Variants in ROBO1 observed in about 807,000 individuals in gnomAD.
ROBO1 encodes the protein roundabout guidance receptor 1.
Under a neutral mutation model 195.9 loss-of-function variants are expected in ROBO1, and 149 were observed. The ratio of observed to expected loss-of-function variants is 0.76; its 90% CI spans 0.67 to 0.87. ROBO1 has a LOEUF of 0.87. Ranked by LOEUF, ROBO1 falls within the 40% of genes least tolerant of loss-of-function variation. The pLI is 0.00. For synonymous variants in ROBO1, 816 were observed against 733.2 expected, an observed-to-expected ratio of 1.11 and a Z score of -1.82; for missense variants, 1,933 against 2,068.3, an observed-to-expected ratio of 0.93 and a Z score of 1.27.
intron 2 of ROBO1, among the ~76,000 whole-genome samples, chr3:79,565,915 A>T (rs1943074451): frequency 6.6e-6 from 1 of 152,144 alleles, no homozygotes; most frequent in Non-Finnish European, 1.5e-5. Flanking sequence ...GTAATAAATT[A>T]AATGAAACCA....
chr3:79,455,456 T>G (rs1439179127), intron 2 of ROBO1, among the ~76,000 whole-genome samples: 1 of 152,138 alleles, frequency 6.6e-6, no homozygotes. Context: ...ATGCTAAAGG[T>G]AATTTTGGAT....
intron 21 of ROBO1, among the ~76,000 whole-genome samples, chr3:78,643,846 G>T (rs1706117918): frequency 6.6e-6 from 1 of 152,110 alleles, no homozygotes; most frequent in South Asian, 2.1e-4. Context: ...CATAGATTAG[G>T]CAAAGGAGAA....
At chr3:78,599,997 G>A (rs773361136) in intron 30 of ROBO1, 116 bp downstream of exon 30, 1 of 832,800 alleles carries the variant, frequency 1.2e-6, no homozygotes, top group Non-Finnish European at 2.1e-6. Context: ...ATAGACATTA[G>A]AGTACTGAAA....
chr3:78,932,650 A>G lies in ROBO1; in HGVS notation c.499+5951T>C, dbSNP rs2039593816. 2.0e-5 allele frequency among the ~76,000 whole-genome samples: 3 copies of G among 152,152 alleles called. No homozygotes were observed. In the South Asian group the frequency reaches 6.2e-4, roughly 31 times the overall value. On this transcript the variant is annotated intron_variant, in intron 4 of 30. Transcript: ENST00000464233. The stretch of plus-strand genomic sequence containing the variant: ...TTTTGGCCACCTAAGAAAAGAGTAA[A>G]TATTATTGAACAGTAAATAGCTTTC...
intron 3 of ROBO1, among the ~76,000 whole-genome samples, chr3:79,065,212 A>G (rs918645864): frequency 1.4e-4 from 21 of 151,978 alleles, no homozygotes; most frequent in Admixed American, 1.3e-3. Flanking sequence ...ATGCCTTAAG[A>G]GATATAGAAG....
At chr3:78,863,864 A>C (rs1243311899) in intron 4 of ROBO1, among the ~76,000 whole-genome samples, 1 of 152,184 alleles carries the variant, frequency 6.6e-6, no homozygotes, top group Middle Eastern at 3.2e-3. Context: ...CTAGATTGAC[A>C]TATGTCTCAT....
chr3:78,818,440 G>A (rs995732719), intron 4 of ROBO1, among the ~76,000 whole-genome samples: 9 of 152,186 alleles, frequency 5.9e-5, no homozygotes, highest in Admixed American at 3.3e-4. Context: ...TAGACCACAA[G>A]TGCCCATGAC....
chr3:79,535,741 C>T (rs1219434806), intron 2 of ROBO1, among the ~76,000 whole-genome samples: 1 of 151,262 alleles, frequency 6.6e-6, no homozygotes, highest in Non-Finnish European at 1.5e-5. Flanking sequence ...TGTTGACATG[C>T]TAGGATGTGA....
chr3:79,253,153 G>A (rs1264635731), intron 2 of ROBO1, among the ~76,000 whole-genome samples: 2 of 152,032 alleles, frequency 1.3e-5, no homozygotes, highest in Non-Finnish European at 2.9e-5. Flanking sequence ...TTAGCAGTGT[G>A]TAGACAAAAA....
chr3:79,531,869 A>G (rs1941676602), intron 2 of ROBO1, among the ~76,000 whole-genome samples: 1 of 152,212 alleles, frequency 6.6e-6, no homozygotes, highest in Non-Finnish European at 1.5e-5. Context: ...ATTTAAAAGC[A>G]TAAATCAAAA....
At chr3:79,493,186 C>T (rs1939557810) in intron 2 of ROBO1, among the ~76,000 whole-genome samples, 1 of 151,862 alleles carries the variant, frequency 6.6e-6, no homozygotes, top group Non-Finnish European at 1.5e-5. Flanking sequence ...ATTTTTAAAA[C>T]ATATTATTCT....
intron 2 of ROBO1, among the ~76,000 whole-genome samples, chr3:79,498,919 T>G (rs1939899393): frequency 6.6e-6 from 1 of 150,442 alleles, no homozygotes. Context: ...AAATGAATAT[T>G]TAGTCAACTA....
chr3:79,337,846 C>G (rs1284151726), intron 2 of ROBO1, among the ~76,000 whole-genome samples: 2 of 152,092 alleles, frequency 1.3e-5, no homozygotes, highest in Non-Finnish European at 2.9e-5. Context: ...GTAATACAGA[C>G]TATTATAATA....
intron 2 of ROBO1, among the ~76,000 whole-genome samples, chr3:79,509,315 G>A (rs1390003804): frequency 6.6e-6 from 1 of 151,488 alleles, no homozygotes; most frequent in East Asian, 1.9e-4. Flanking sequence ...AATCACATTT[G>A]CTGTAGTTTA....
chr3:79,283,810 G>A (rs2031691118), intron 2 of ROBO1, among the ~76,000 whole-genome samples: 1 of 150,714 alleles, frequency 6.6e-6, no homozygotes, highest in Admixed American at 6.6e-5. Context: ...CCATTCTCCT[G>A]CCTCAGCCTC....
chr3:78,739,918 TA>T, intron 5 of ROBO1, among the ~76,000 whole-genome samples: 1 of 152,184 alleles, frequency 6.6e-6, no homozygotes, highest in Non-Finnish European at 1.5e-5. Context: ...AGAGTTGTTA[TA>T]TATGTTGCAG....
chr3:79,722,648 T>C (rs1454083107), intron 1 of ROBO1, among the ~76,000 whole-genome samples: 1 of 152,198 alleles, frequency 6.6e-6, no homozygotes, highest in Non-Finnish European at 1.5e-5. Context: ...GATAACAAAT[T>C]CAAATTGAAG....
In ROBO1 at chr3:79,236,703, G is replaced by C. The variant is rs74282330; in HGVS notation, c.89-111164C>G. Among the ~76,000 whole-genome samples the C allele has an allele frequency of 5.7e-4, 86 of 152,202 alleles. 1 individual carries two copies. The East Asian group carries it at 0.015, about 26-fold the overall frequency. ...TATCTAAAGTAAAAAGAAAACACAG[G>C]CTCTGTGGTATGCATAAGCTTAATC... On this transcript the variant is annotated intron_variant, in intron 2 of 30. Transcript: ENST00000464233.
rs190819988 is a variant in ROBO1 at position 79,021,817 on chromosome 3, C to A, written c.173-82890G>T. On this transcript the variant is annotated intron_variant, in intron 3 of 30. Coordinates refer to ENST00000464233, the MANE Select transcript of ROBO1 (RefSeq NM_002941.4). ...CTGGGACTACAGGCGCCCGCCACCA[C>A]TCCCGGCTAATTTTTTGTATTTTTA... Among the ~76,000 whole-genome samples, 1,109 of 152,156 alleles carry A rather than the reference C, an allele frequency of 7.3e-3. 8 individuals are homozygous for A. Among genetic ancestry groups the A allele is most frequent in the South Asian group, 0.02 (98 of 4,806 alleles).
Sources: allele counts gnomAD v4.1 joint callset (sites outside exome capture counted in the v4.1 genomes callset), GRCh38; gene constraint gnomAD v4.1.1; transcripts MANE v1.5; gene names NCBI Gene and HGNC (gene_info 2026-07-23, HGNC 2026-07-21).